Variants in SEC24B observed in about 807,000 individuals in gnomAD.
The protein encoded by SEC24B is protein transport protein Sec24B.
A neutral mutation model predicts 142.8 loss-of-function variants in SEC24B; 45 were observed. The observed-to-expected ratio is 0.32, with a 90% CI of 0.25 to 0.40. SEC24B has a LOEUF of 0.40. Ranked by LOEUF, SEC24B falls within the 10% of genes least tolerant of loss-of-function variation. SEC24B has a pLI of 1.00. For missense variants in SEC24B, 1,409 were observed against 1,526.8 expected (o/e 0.92, Z 1.29); for synonymous variants, 574 against 568.2 (o/e 1.01, Z -0.15).
chr4:109,509,985 C>T (rs1737149362), intron 7 of SEC24B, 24 bp from the exon 8 acceptor site: 4 of 1,434,896 alleles, frequency 2.8e-6, no homozygotes, highest in Non-Finnish European at 3.9e-6. Context: ...CTAATATCCT[C>T]CATGTTGTTT....
intron 23 of SEC24B, among the ~76,000 whole-genome samples, chr4:109,538,992 G>T (rs945714952): frequency 6.6e-6 from 1 of 150,484 alleles, no homozygotes; most frequent in Admixed American, 6.6e-5. Flanking sequence ...ACAAAGTTTC[G>T]CTCTTGTCAC....
chr4:109,530,370 A>G lies in SEC24B; in HGVS notation c.3158A>G (p.Tyr1053Cys), dbSNP rs763744977. 3 of 1,614,106 alleles carry G rather than the reference A, an allele frequency of 1.9e-6. No homozygotes were observed. The highest frequency in any genetic ancestry group is 2.7e-5 in the African/African-American group (2 of 75,042). Residue 1053 changes from tyrosine (Y) to cysteine (C), a missense_variant, in exon 19 of 24, where the codon TAT becomes TGT. Physicochemically the swap from Tyr to Cys is radical, Grantham distance 194. Around this residue, in one of 2 missense-constraint regions of SEC24B, gnomAD observed 700 missense variants for 853.3 expected, o/e 0.82. Coordinates refer to ENST00000265175, the MANE Select transcript of SEC24B (RefSeq NM_006323.5). The part of the protein sequence containing the change: ...VNAVVDSLSA[Y>C]GSTVSNLQHS... ...GCTGTAGTGGACTCATTGTCTGCAT[A>G]TGGCTCAACTGTCTCAAATTTACAG...
chr4:109,490,504 T>C (rs1003707214), intron 4 of SEC24B, among the ~76,000 whole-genome samples: 2 of 152,072 alleles, frequency 1.3e-5, no homozygotes, highest in Non-Finnish European at 2.9e-5. Context: ...TCTAACATAA[T>C]AGAAGGATCA....
chr4:109,476,538 ATAAAG>A (rs1343165236), intron 3 of SEC24B, among the ~76,000 whole-genome samples: 7 of 125,238 alleles, frequency 5.6e-5, no homozygotes, highest in Admixed American at 3.6e-4. Flanking sequence ...CATTGTTCAC[ATAAAG>A]TAGATTAGAA....
chr4:109,466,689 C>T (rs868769454), intron 2 of SEC24B, among the ~76,000 whole-genome samples: 7 of 152,152 alleles, frequency 4.6e-5, no homozygotes, highest in Non-Finnish European at 7.4e-5. Context: ...GGATTACAGG[C>T]GTGAGCCACT....
intron 13 of SEC24B, 34 bp downstream of exon 13, chr4:109,521,206 T>C: frequency 7.6e-7 from 1 of 1,311,900 alleles, no homozygotes; most frequent in South Asian, 1.3e-5. Context: ...AGCATAAAAA[T>C]ATTTATATTG....
chr4:109,444,065 A>T (rs1363545978), intron 1 of SEC24B, among the ~76,000 whole-genome samples: 1 of 151,956 alleles, frequency 6.6e-6, no homozygotes, highest in Non-Finnish European at 1.5e-5. Context: ...TCTACTAAAA[A>T]TACAAAACTA....
intron 6 of SEC24B, among the ~76,000 whole-genome samples, chr4:109,504,396 A>T (rs1736481941): frequency 6.6e-6 from 1 of 152,144 alleles, no homozygotes; most frequent in African/African-American, 2.4e-5. Context: ...TTTTAATTTA[A>T]AACAAGCCCC....
chr4:109,511,531 T>A (rs1052541997), intron 8 of SEC24B, among the ~76,000 whole-genome samples: 2 of 152,236 alleles, frequency 1.3e-5, no homozygotes, highest in African/African-American at 2.4e-5. Context: ...TAATTTTTTT[T>A]AAAGGCACGT....
At chr4:109,484,370 T>C (rs1734127913) in intron 4 of SEC24B, among the ~76,000 whole-genome samples, 1 of 152,222 alleles carries the variant, frequency 6.6e-6, no homozygotes, top group South Asian at 2.1e-4. Context: ...AGGCACATGA[T>C]GTCAATTTGT....
chr4:109,463,097 A>C lies in SEC24B; in HGVS notation c.330A>C (p.Gln110His). ...TGACTCCTAACACAGTGAACCAGCA[A>C]CCAGGAGCACAGCAGTTGTACAGCA... Reference protein sequence around the residue: ...QNVTPNTVNQQPGAQQLYSRG... With the variant: ...QNVTPNTVNQHPGAQQLYSRG... The change falls in exon 2 of 24, where the codon CAA becomes CAC. Residue 110 changes from glutamine (Q) to histidine (H), a missense_variant. Gln to His is a conservative substitution (Grantham distance 24). Coordinates refer to ENST00000265175, the MANE Select transcript of SEC24B (RefSeq NM_006323.5). 1 of 1,614,192 alleles carries C rather than the reference A, an allele frequency of 6.2e-7. No homozygotes were observed. Among genetic ancestry groups the C allele is most frequent in the East Asian group, 2.2e-5 (1 of 44,880 alleles).
intron 2 of SEC24B, among the ~76,000 whole-genome samples, chr4:109,471,081 A>G (rs550607047): frequency 3.3e-3 from 484 of 144,572 alleles, no homozygotes; most frequent in Non-Finnish European, 4.9e-3. Flanking sequence ...ATATATATGT[A>G]TATATACACA....
At chr4:109,440,058 C>T (rs1367047787) in intron 1 of SEC24B, among the ~76,000 whole-genome samples, 2 of 149,156 alleles carry the variant, frequency 1.3e-5, no homozygotes, top group South Asian at 2.1e-4. Flanking sequence ...AGGTGGAGGT[C>T]GTGGTGAGCC....
intron 9 of SEC24B, 26 bp downstream of exon 9, chr4:109,512,109 T>G: frequency 6.4e-7 from 1 of 1,568,598 alleles, no homozygotes; most frequent in South Asian, 1.2e-5. Flanking sequence ...TTAATTGTGT[T>G]TTAATCCTAT....
At chr4:109,506,744 A>G (rs1328298803) in intron 7 of SEC24B, among the ~76,000 whole-genome samples, 1 of 152,072 alleles carries the variant, frequency 6.6e-6, no homozygotes, top group African/African-American at 2.4e-5. Context: ...AATTATTTCT[A>G]TTTGAATGAA....
At chr4:109,482,375 G>A (rs1578858591) in intron 4 of SEC24B, among the ~76,000 whole-genome samples, 1 of 152,172 alleles carries the variant, frequency 6.6e-6, no homozygotes, top group Non-Finnish European at 1.5e-5. Flanking sequence ...TTCTGCCTTT[G>A]ATAGGTAGAA....
intron 2 of SEC24B, among the ~76,000 whole-genome samples, chr4:109,471,738 A>G (rs970691427): frequency 7.9e-5 from 12 of 152,066 alleles, no homozygotes; most frequent in Non-Finnish European, 4.4e-5. Flanking sequence ...TAGGGTTCCT[A>G]TGTTTTTCTG....
Position 109,507,521 on chromosome 4 carries a change from G to A in SEC24B, c.1673+1009G>A, listed in dbSNP as rs530527184. Reference sequence around the variant, plus strand: ...ACTCCTGACTTCAGGTGACCTGCCCGCCTTGGCCTCCCAAAGTGGTGGGAT... The same window carrying A: ...ACTCCTGACTTCAGGTGACCTGCCCACCTTGGCCTCCCAAAGTGGTGGGAT... On this transcript the variant is annotated intron_variant, in intron 7 of 23. Transcript: ENST00000265175. 3.3e-5 allele frequency among the ~76,000 whole-genome samples: 5 copies of A among 152,122 alleles called. No homozygotes were observed. In the South Asian group the frequency reaches 8.3e-4, roughly 25 times the overall value.
At chr4:109,474,458 T>G (rs1255989923) in intron 3 of SEC24B, among the ~76,000 whole-genome samples, 1 of 150,318 alleles carries the variant, frequency 6.7e-6, no homozygotes, top group Non-Finnish European at 1.5e-5. Context: ...GGAGTCTTGC[T>G]CTGTCACCCG....
Sources: allele counts gnomAD v4.1 joint callset (sites outside exome capture counted in the v4.1 genomes callset), GRCh38; gene constraint gnomAD v4.1.1; regional missense constraint gnomAD v4.1.1; transcripts MANE v1.5; gene names NCBI Gene and HGNC (gene_info 2026-07-23, HGNC 2026-07-21).